Variants in GLIS3 observed in about 807,000 individuals in gnomAD.
GLIS3 encodes zinc finger protein GLIS3.
Under a neutral mutation model 78.6 loss-of-function variants are expected in GLIS3, and 53 were observed. The ratio of observed to expected loss-of-function variants is 0.67; its 90% CI spans 0.54 to 0.85. The LOEUF is 0.85. Among genes scored for constraint, GLIS3 ranks in the 40% least tolerant of loss-of-function variants. The probability of loss-of-function intolerance (pLI) is 0.00; values close to 1 mark genes in which losing one functional copy is unlikely to be tolerated. For synonymous variants in GLIS3, 684 were observed against 509.9 expected, an observed-to-expected ratio of 1.34 and a Z score of -4.60; for missense variants, 1,703 against 1,231.1, an observed-to-expected ratio of 1.38 and a Z score of -5.74.
chr9:3,981,274 T>A (rs990539996), intron 4 of GLIS3, among the ~76,000 whole-genome samples: 30 of 152,188 alleles, frequency 2.0e-4, no homozygotes, highest in Non-Finnish European at 1.8e-4. Context: ...AATATTGCAC[T>A]ATACATGAAT....
chr9:3,981,278 C>T (rs183457192), intron 4 of GLIS3, among the ~76,000 whole-genome samples: 1 of 152,322 alleles, frequency 6.6e-6, no homozygotes, highest in Non-Finnish European at 1.5e-5. Context: ...TTGCACTATA[C>T]ATGAATCAGA....
At chr9:3,957,226 G>C (rs1588311984) in intron 4 of GLIS3, among the ~76,000 whole-genome samples, 1 of 152,198 alleles carries the variant, frequency 6.6e-6, no homozygotes, top group East Asian at 1.9e-4. Context: ...CCTTTCCCGA[G>C]AGTGTTTTAC....
Position 3,898,788 on chromosome 9 carries a change from G to A in GLIS3, c.2031C>T (p.Leu677=). ...TGGCCGGCTGCAGGGACTGCACGGT[G>A]AGGCAATCTGTGAGCAGGTCTGGAT... is the stretch of plus-strand genomic sequence containing the variant. ...ELHPDLLTDC[L]TVQSLQPATS... Residue 677 remains leucine (L), a synonymous_variant, in exon 7 of 11, where the codon CTC becomes CTT. Coordinates refer to ENST00000381971, the MANE Select transcript of GLIS3 (RefSeq NM_001042413.2). The A allele has an allele frequency of 6.2e-7, 1 of 1,614,188 alleles. No individual in the cohort carries two copies.
At chr9:4,070,266 C>T (rs1197337923) in intron 4 of GLIS3, among the ~76,000 whole-genome samples, 3 of 152,122 alleles carry the variant, frequency 2.0e-5, no homozygotes, top group African/African-American at 7.2e-5. Context: ...GAATTCCCCT[C>T]TCATGGGGAT....
At chr9:4,263,327 T>G (rs914948461) in intron 2 of GLIS3, among the ~76,000 whole-genome samples, 2 of 152,174 alleles carry the variant, frequency 1.3e-5, no homozygotes, top group Non-Finnish European at 2.9e-5. Context: ...ATGTAGACAA[T>G]TATTAAGAAC....
At chr9:4,408,722 G>T in the GLIS3 span, among the ~76,000 whole-genome samples, 2 of 94,800 alleles carry the variant, frequency 2.1e-5, no homozygotes, top group Non-Finnish European at 3.6e-5. Flanking sequence ...GCCAGACTCT[G>T]TCTCAAAAAA....
chr9:4,215,984 C>G (rs776949530), intron 2 of GLIS3, among the ~76,000 whole-genome samples: 4 of 152,140 alleles, frequency 2.6e-5, no homozygotes, highest in African/African-American at 9.7e-5. Flanking sequence ...CATTTTGATG[C>G]TGGACTCCAT....
intron 4 of GLIS3, among the ~76,000 whole-genome samples, chr9:4,016,045 T>C (rs1263622903): frequency 1.3e-5 from 2 of 152,170 alleles, no homozygotes; most frequent in Non-Finnish European, 2.9e-5. Context: ...GGAAGGCTAT[T>C]AAGCGTATAG....
intron 2 of GLIS3, among the ~76,000 whole-genome samples, chr9:4,144,133 G>C (rs750827862): frequency 5.9e-5 from 9 of 152,160 alleles, no homozygotes; most frequent in Non-Finnish European, 1.3e-4. Flanking sequence ...AACAAAGATC[G>C]AGAAACCTTG....
chr9:4,197,091 A>C (rs4741913), intron 2 of GLIS3, among the ~76,000 whole-genome samples: 1 of 151,874 alleles, frequency 6.6e-6, no homozygotes, highest in South Asian at 2.1e-4. Context: ...CTCCTAGCCT[A>C]TATCAGCAGC....
At chr9:4,265,212 A>G (rs1825882960) in intron 2 of GLIS3, among the ~76,000 whole-genome samples, 1 of 151,612 alleles carries the variant, frequency 6.6e-6, no homozygotes, top group South Asian at 2.1e-4. Context: ...TTTTGCCTTC[A>G]CAAGGTCTAC....
chr9:3,911,050 T>C (rs755711830), intron 6 of GLIS3, among the ~76,000 whole-genome samples: 1 of 152,206 alleles, frequency 6.6e-6, no homozygotes, highest in Non-Finnish European at 1.5e-5. Flanking sequence ...CTGTCTCTAC[T>C]CATACAACCT....
upstream of GLIS3, among the ~76,000 whole-genome samples, chr9:4,304,668 C>T (rs757774318): frequency 2.0e-5 from 3 of 152,202 alleles, no homozygotes; most frequent in African/African-American, 4.8e-5. Flanking sequence ...CAGCGCAGCA[C>T]TGATACCTCA....
chr9:4,396,149 G>A, the GLIS3 span, among the ~76,000 whole-genome samples: 1 of 149,958 alleles, frequency 6.7e-6, no homozygotes, highest in Admixed American at 6.7e-5. Context: ...ATCTCACTCC[G>A]TCACCCAGGT....
intron 1 of GLIS3, among the ~76,000 whole-genome samples, chr9:4,292,510 G>C (rs1326209639): frequency 6.6e-6 from 1 of 152,070 alleles, no homozygotes; most frequent in Admixed American, 6.5e-5. Context: ...AACAGTCAAA[G>C]TAAAATAAAT....
At chr9:4,378,500 T>C in the GLIS3 span, among the ~76,000 whole-genome samples, 1 of 152,238 alleles carries the variant, frequency 6.6e-6, no homozygotes, top group Non-Finnish European at 1.5e-5. Context: ...CCTTAAAATA[T>C]GTTTATACCA....
At chr9:4,415,359 C>T in the GLIS3 span, among the ~76,000 whole-genome samples, 1 of 152,178 alleles carries the variant, frequency 6.6e-6, no homozygotes, top group Non-Finnish European at 1.5e-5. Context: ...TTTCCAAATG[C>T]TCATTACCAC....
chr9:4,352,235 T>C (rs1222034605), upstream of GLIS3, among the ~76,000 whole-genome samples: 6 of 152,240 alleles, frequency 3.9e-5, no homozygotes, highest in African/African-American at 1.2e-4. Flanking sequence ...CACCCAGTTG[T>C]GTTCTCTTTG....
intron 7 of GLIS3, among the ~76,000 whole-genome samples, chr9:3,890,682 G>T (rs1563817368): frequency 6.6e-6 from 1 of 152,016 alleles, no homozygotes; most frequent in Non-Finnish European, 1.5e-5. Context: ...ATCCAGAACT[G>T]GAGTTTAGAT....
Sources: gnomAD v4.1 joint callset for allele counts (sites outside exome capture counted in the v4.1 genomes callset) on GRCh38, gnomAD v4.1.1 for gene constraint, MANE v1.5 for transcripts, NCBI Gene and HGNC (gene_info 2026-07-23, HGNC 2026-07-21) for gene names.